The following SCD5 variants were observed in gnomAD, a reference collection of about 807,000 sequenced individuals.
The protein encoded by SCD5 is stearoyl-CoA desaturase 5.
SCD5 carries 20 observed loss-of-function variants against 30.4 expected under a neutral mutation model. The ratio of observed to expected loss-of-function variants is 0.66; its 90% CI spans 0.46 to 0.96. The LOEUF (loss-of-function observed/expected upper bound fraction) is 0.96. Ranked by LOEUF, SCD5 falls within the 40% of genes least tolerant of loss-of-function variation. SCD5 has a pLI of 0.00. For synonymous variants in SCD5, 173 were observed against 176.4 expected (o/e 0.98, Z 0.16); for missense variants, 381 against 443.3 (o/e 0.86, Z 1.26).
chr4:82,758,948 C>T (rs1423466157), intron 1 of SCD5, among the ~76,000 whole-genome samples: 1 of 152,216 alleles, frequency 6.6e-6, no homozygotes, highest in East Asian at 1.9e-4. Flanking sequence ...AAGCACATCC[C>T]CTTACAATCC....
At chr4:82,649,444 T>C (rs1727700044) in intron 3 of SCD5, among the ~76,000 whole-genome samples, 1 of 152,078 alleles carries the variant, frequency 6.6e-6, no homozygotes, top group Non-Finnish European at 1.5e-5. Flanking sequence ...TTCAAAATAT[T>C]TGGATTGGCT....
intron 3 of SCD5, among the ~76,000 whole-genome samples, chr4:82,678,998 G>A (rs1473982550): frequency 6.6e-6 from 1 of 151,790 alleles, no homozygotes; most frequent in Admixed American, 6.6e-5. Context: ...AGGAGTTCAA[G>A]ACCAGCCTGG....
intron 1 of SCD5, among the ~76,000 whole-genome samples, chr4:82,736,554 G>A (rs1720756106): frequency 6.6e-6 from 1 of 151,998 alleles, no homozygotes; most frequent in African/African-American, 2.4e-5. Context: ...GTTGCAGTGA[G>A]CCCAGATCGC....
At chr4:82,741,968 G>A (rs973342864) in intron 1 of SCD5, among the ~76,000 whole-genome samples, 2 of 151,000 alleles carry the variant, frequency 1.3e-5, no homozygotes, top group East Asian at 2.0e-4. Context: ...TAGTCCCAGC[G>A]ACTCAGGAGG....
At chr4:82,782,168 G>A (rs79590398) in intron 1 of SCD5, among the ~76,000 whole-genome samples, 25 of 151,242 alleles carry the variant, frequency 1.7e-4, no homozygotes, top group Non-Finnish European at 3.2e-4. Context: ...TGTGTCTCCG[G>A]CCTGCCTGAA....
chr4:82,793,223 GA>G (rs1399414359), intron 1 of SCD5, among the ~76,000 whole-genome samples: 1 of 152,184 alleles, frequency 6.6e-6, no homozygotes, highest in Admixed American at 6.5e-5. Context: ...GAGGGAGGGA[GA>G]AAAGTCAAAA....
chr4:82,786,736 G>T (rs1451163807), intron 1 of SCD5, among the ~76,000 whole-genome samples: 1 of 146,134 alleles, frequency 6.8e-6, no homozygotes, highest in African/African-American at 2.5e-5. Flanking sequence ...AGGTTGCAGT[G>T]AGCCGAGATC....
At chr4:82,753,652 A>G (rs1283680576) in intron 1 of SCD5, among the ~76,000 whole-genome samples, 1 of 152,308 alleles carries the variant, frequency 6.6e-6, no homozygotes, top group East Asian at 1.9e-4. Context: ...GATAGCATCA[A>G]AAAACTATGT....
At chr4:82,675,378 A>G (rs1728414034) in intron 3 of SCD5, among the ~76,000 whole-genome samples, 1 of 152,182 alleles carries the variant, frequency 6.6e-6, no homozygotes, top group Admixed American at 6.5e-5. Context: ...AGAGAAGACT[A>G]GAGATAACAG....
chr4:82,648,942 C>T (rs1448781184), intron 3 of SCD5, among the ~76,000 whole-genome samples: 3 of 151,974 alleles, frequency 2.0e-5, no homozygotes, highest in Non-Finnish European at 4.4e-5. Context: ...TGTGCTTTGG[C>T]GTTTCGAGGA....
At chr4:82,655,971 G>A (rs914984266) in intron 3 of SCD5, among the ~76,000 whole-genome samples, 6 of 152,238 alleles carry the variant, frequency 3.9e-5, no homozygotes, top group Non-Finnish European at 8.8e-5. Flanking sequence ...ACATCAGCTG[G>A]TCAGTGGGTG....
At chr4:82,725,671 G>A (rs770103241) in intron 1 of SCD5, among the ~76,000 whole-genome samples, 1 of 151,906 alleles carries the variant, frequency 6.6e-6, no homozygotes, top group Non-Finnish European at 1.5e-5. Context: ...GCTAGCCTGG[G>A]CAACATGATG....
intron 2 of SCD5, among the ~76,000 whole-genome samples, chr4:82,702,930 G>T (rs1040844910): frequency 9.9e-5 from 15 of 152,146 alleles, no homozygotes; most frequent in African/African-American, 3.6e-4. Context: ...ACACAGTTCT[G>T]CATGTTATGG....
At chr4:82,731,841 G>C (rs995029441) in intron 1 of SCD5, among the ~76,000 whole-genome samples, 4 of 152,122 alleles carry the variant, frequency 2.6e-5, no homozygotes, top group African/African-American at 9.7e-5. Flanking sequence ...CGTCCCCAGA[G>C]GTAGTAAAGT....
chr4:82,665,027 T>TAATAC (rs1560527961), intron 3 of SCD5, among the ~76,000 whole-genome samples: 1 of 32,804 alleles, frequency 3.0e-5, no homozygotes, highest in African/African-American at 9.0e-5. Flanking sequence ...ATATGTATAA[T>TAATAC]ACACACACAC....
chr4:82,792,981 C>T (rs1215535876), intron 1 of SCD5, among the ~76,000 whole-genome samples: 1 of 152,176 alleles, frequency 6.6e-6, no homozygotes, highest in East Asian at 1.9e-4. Flanking sequence ...AATCTATGTT[C>T]ATACTTGTTG....
At chr4:82,784,605 T>G (rs529010824) in intron 1 of SCD5, among the ~76,000 whole-genome samples, 1 of 152,296 alleles carries the variant, frequency 6.6e-6, no homozygotes, top group Non-Finnish European at 1.5e-5. Flanking sequence ...TTCAGACAAG[T>G]GAGTGAAAGC....
At chr4:82,691,849 T>G (rs1719516671) in intron 2 of SCD5, 1 of 152,760 alleles carries the variant, frequency 6.5e-6, no homozygotes, top group African/African-American at 2.4e-5. Flanking sequence ...CGCAGTGCAG[T>G]CACATCCAGA....
intron 1 of SCD5, among the ~76,000 whole-genome samples, chr4:82,749,456 T>C (rs1217698962): frequency 6.6e-6 from 1 of 152,222 alleles, no homozygotes; most frequent in Non-Finnish European, 1.5e-5. Context: ...TGTTTTTAGA[T>C]CAAAATAATG....
Sources: allele counts gnomAD v4.1 joint callset (sites outside exome capture counted in the v4.1 genomes callset), GRCh38; gene constraint gnomAD v4.1.1; transcripts MANE v1.5; gene names NCBI Gene and HGNC (gene_info 2026-07-23, HGNC 2026-07-21).